Variants in PPP4R3B observed in about 807,000 individuals in gnomAD.
PPP4R3B encodes the protein serine/threonine-protein phosphatase 4 regulatory subunit 3B.
A neutral mutation model predicts 95.4 loss-of-function variants in PPP4R3B; 52 were observed. That is an observed-to-expected ratio of 0.54 (90% CI 0.44 to 0.69). The LOEUF (loss-of-function observed/expected upper bound fraction) is 0.69. Among genes scored for constraint, PPP4R3B ranks in the 30% least tolerant of loss-of-function variants. The pLI is 0.00. For missense variants in PPP4R3B, 1,003 were observed against 1,005.9 expected (o/e 1.00, Z 0.04); for synonymous variants, 407 against 343.9 (o/e 1.18, Z -2.03).
At chr2:55,578,156 G>A in intron 10 of PPP4R3B, 91 bp downstream of exon 10, 5 of 1,200,678 alleles carry the variant, frequency 4.2e-6, no homozygotes, top group Non-Finnish European at 5.3e-6. Flanking sequence ...TAAATTTATA[G>A]CAACTTTGAA....
At chr2:55,565,474 A>G (rs974554012) in intron 13 of PPP4R3B, among the ~76,000 whole-genome samples, 3 of 152,160 alleles carry the variant, frequency 2.0e-5, no homozygotes, top group Non-Finnish European at 4.4e-5. Flanking sequence ...GATCCAGAGC[A>G]CACGGCTGGT....
At chr2:55,615,857 CAA>C (rs58981030) in intron 1 of PPP4R3B, among the ~76,000 whole-genome samples, 630 of 39,010 alleles carry the variant, frequency 0.016, 2 homozygotes, top group African/African-American at 0.046. Context: ...ACTCTGTCTC[CAA>C]AAAAAAAAAA....
intron 2 of PPP4R3B, among the ~76,000 whole-genome samples, chr2:55,610,444 A>G (rs1169467674): frequency 6.6e-6 from 1 of 152,172 alleles, no homozygotes; most frequent in African/African-American, 2.4e-5. Context: ...CACTGCTACA[A>G]ATAGGCTTAA....
chr2:55,612,629 A>C (rs1426625684), intron 2 of PPP4R3B, among the ~76,000 whole-genome samples: 1 of 152,112 alleles, frequency 6.6e-6, no homozygotes, highest in African/African-American at 2.4e-5. Flanking sequence ...ACGAGACCCC[A>C]TCTTTACAAA....
intron 11 of PPP4R3B, among the ~76,000 whole-genome samples, chr2:55,574,931 ACTT>A (rs1456634938): frequency 2.5e-4 from 33 of 133,274 alleles, no homozygotes; most frequent in Admixed American, 8.5e-4. Flanking sequence ...TTCATATACA[ACTT>A]CTTTTTTTTT....
intron 2 of PPP4R3B, among the ~76,000 whole-genome samples, chr2:55,606,494 G>C (rs537330935): frequency 6.6e-6 from 1 of 151,884 alleles, no homozygotes; most frequent in Non-Finnish European, 1.5e-5. Context: ...AGACCAGCCT[G>C]GGCAATGCAG....
intron 15 of PPP4R3B, among the ~76,000 whole-genome samples, chr2:55,562,228 C>T (rs1686724170): frequency 6.6e-6 from 1 of 152,036 alleles, no homozygotes; most frequent in Non-Finnish European, 1.5e-5. Flanking sequence ...TCAAGACCAG[C>T]CTGGCCAACA....
intron 2 of PPP4R3B, among the ~76,000 whole-genome samples, chr2:55,607,205 G>A (rs1284116033): frequency 6.6e-6 from 1 of 152,074 alleles, no homozygotes; most frequent in African/African-American, 2.4e-5. Flanking sequence ...GAAGTGTGAG[G>A]ATTTCTCCCC....
rs1684861129 is a variant in PPP4R3B at position 55,547,674 on chromosome 2, C to G, written c.*2237G>C. On this transcript the variant is annotated 3_prime_UTR_variant, in exon 17 of 17. Transcript: ENST00000616407. ...AGAAAAAGGAAGTCTTCATAAGATA[C>G]AGAGATAGGGAGGCTGAGGCGGGTG... 1 of 152,250 alleles carries G rather than the reference C, an allele frequency of 6.6e-6. No homozygotes were observed. The highest frequency in any genetic ancestry group is 3.4e-3 in the Middle Eastern group (1 of 294). The allele number at this position is 152,250 out of a possible 1,614,324, so 9.4% of individuals were successfully genotyped here.
At chr2:55,577,247 G>C in intron 11 of PPP4R3B, 68 bp downstream of exon 11, 1 of 1,487,498 alleles carries the variant, frequency 6.7e-7, no homozygotes, top group Non-Finnish European at 8.9e-7. Flanking sequence ...TTATATAAGT[G>C]CATTACACTT....
intron 1 of PPP4R3B, 133 bp from the exon 2 acceptor site, chr2:55,615,639 A>C: frequency 1.8e-6 from 1 of 569,502 alleles, no homozygotes; most frequent in Admixed American, 3.5e-5. Flanking sequence ...GCAGATCACG[A>C]GGTCAAGAGA....
chr2:55,560,912 T>A (rs139458469), intron 15 of PPP4R3B, among the ~76,000 whole-genome samples: 1 of 152,022 alleles, frequency 6.6e-6, no homozygotes, highest in Non-Finnish European at 1.5e-5. Flanking sequence ...AGCATAAAGT[T>A]TGGAAAACTT....
intron 15 of PPP4R3B, among the ~76,000 whole-genome samples, chr2:55,559,314 C>T (rs941753931): frequency 6.6e-6 from 1 of 152,044 alleles, no homozygotes; most frequent in Non-Finnish European, 1.5e-5. Flanking sequence ...CCACTGCACT[C>T]CAGCCTGGGC....
At chr2:55,604,135 C>A (rs1057356016) in intron 2 of PPP4R3B, 59 bp from the exon 3 acceptor site, 2 of 1,341,830 alleles carry the variant, frequency 1.5e-6, no homozygotes, top group Non-Finnish European at 2.1e-6. Context: ...CTACAAAGTA[C>A]AAATAGAAAT....
chr2:55,573,480 T>C, intron 12 of PPP4R3B, 139 bp downstream of exon 12: 1 of 794,828 alleles, frequency 1.3e-6, no homozygotes, highest in East Asian at 3.2e-5. Flanking sequence ...CCTCTTGCCC[T>C]TTAAATAAGA....
At chr2:55,557,737 T>G (rs1024379627) in intron 16 of PPP4R3B, among the ~76,000 whole-genome samples, 4 of 152,168 alleles carry the variant, frequency 2.6e-5, no homozygotes, top group African/African-American at 9.7e-5. Context: ...CCACGGTGTT[T>G]CTGCTTGTCT....
intron 2 of PPP4R3B, among the ~76,000 whole-genome samples, chr2:55,605,535 C>G (rs1693254178): frequency 6.6e-6 from 1 of 152,162 alleles, no homozygotes; most frequent in Admixed American, 6.5e-5. Flanking sequence ...GTTCTACCTT[C>G]TTCCTGGCTA....
At chr2:55,580,040 A>C (rs190886952) in intron 8 of PPP4R3B, among the ~76,000 whole-genome samples, 1 of 152,166 alleles carries the variant, frequency 6.6e-6, no homozygotes, top group Non-Finnish European at 1.5e-5. Context: ...CATATTATGT[A>C]CTAAGTAAAA....
intron 13 of PPP4R3B, 93 bp downstream of exon 13, chr2:55,568,101 G>C: frequency 1.2e-6 from 1 of 830,760 alleles, no homozygotes; most frequent in Admixed American, 4.0e-5. Flanking sequence ...GGTGAAAAGG[G>C]AATGAAGTCA....
Sources: allele counts gnomAD v4.1 joint callset (sites outside exome capture counted in the v4.1 genomes callset), GRCh38; gene constraint gnomAD v4.1.1; transcripts MANE v1.5; gene names NCBI Gene and HGNC (gene_info 2026-07-23, HGNC 2026-07-21).